Variants in FHOD3 observed in about 807,000 individuals in gnomAD.
FHOD3 encodes formin homology 2 domain containing 3.
Under a neutral mutation model 173.0 loss-of-function variants are expected in FHOD3, and 90 were observed. That is an observed-to-expected ratio of 0.52 (90% CI 0.44 to 0.62). The LOEUF (loss-of-function observed/expected upper bound fraction) is 0.62, where lower values mean the gene tolerates loss of function less well. Among genes scored for constraint, FHOD3 ranks in the 20% least tolerant of loss-of-function variants. FHOD3 has a pLI of 0.00. For synonymous variants in FHOD3, 828 were observed against 823.0 expected (o/e 1.01, Z -0.10); for missense variants, 1,945 against 2,034.7 (o/e 0.96, Z 0.85).
intron 3 of FHOD3, among the ~76,000 whole-genome samples, chr18:36,415,307 T>G (rs1361006171): frequency 6.6e-6 from 1 of 152,198 alleles, no homozygotes; most frequent in Non-Finnish European, 1.5e-5. Context: ...TATATATCTG[T>G]CAGGTTTATG....
chr18:36,463,256 CT>C (rs2052669180), intron 3 of FHOD3, among the ~76,000 whole-genome samples: 1 of 149,294 alleles, frequency 6.7e-6, no homozygotes, highest in African/African-American at 2.5e-5. Flanking sequence ...GAATTATTTT[CT>C]GAAAACCTTG....
At chr18:36,495,911 T>A (rs1055065973) in intron 3 of FHOD3, among the ~76,000 whole-genome samples, 2 of 152,154 alleles carry the variant, frequency 1.3e-5, no homozygotes, top group Admixed American at 6.5e-5. Flanking sequence ...AATACCTGAA[T>A]CTACATAGAC....
intron 14 of FHOD3, among the ~76,000 whole-genome samples, chr18:36,678,549 G>GA (rs1188005211): frequency 7.7e-4 from 86 of 111,648 alleles, no homozygotes; most frequent in Non-Finnish European, 1.3e-3. Flanking sequence ...AAAAAAAAAA[G>GA]AAGAAAGAAA....
chr18:36,517,706 C>T (rs565229470), intron 5 of FHOD3, among the ~76,000 whole-genome samples: 1 of 152,326 alleles, frequency 6.6e-6, no homozygotes, highest in South Asian at 2.1e-4. Flanking sequence ...GCATTTAACT[C>T]AACCTTTTCA....
chr18:36,680,432 T>A (rs1009381004), intron 14 of FHOD3, among the ~76,000 whole-genome samples: 1 of 152,242 alleles, frequency 6.6e-6, no homozygotes, highest in Admixed American at 6.5e-5. Flanking sequence ...TTCATAAATA[T>A]TTTTCTCTTT....
At chr18:36,571,261 C>T (rs982570900) in intron 5 of FHOD3, among the ~76,000 whole-genome samples, 11 of 152,066 alleles carry the variant, frequency 7.2e-5, no homozygotes, top group Admixed American at 6.5e-5. Context: ...TTTAAAACAC[C>T]GTTTGTAATA....
In FHOD3 at chr18:36,693,356, A is replaced by T. The variant is rs138367002; in HGVS notation, c.2169A>T (p.Ser723=). Residue 723 remains serine, a synonymous_variant, in exon 17 of 29, where the codon TCA becomes TCT. Coordinates refer to ENST00000590592, the MANE Select transcript of FHOD3 (RefSeq NM_001281740.3). ...ACLAPLSHSP[S]SSDSQEALTV... is the part of the protein sequence containing the mutation. ...TGGCTCCTCTGAGCCATAGCCCCTC[A>T]TCTTCAGACTCTCAAGAGGCTCTCA... 60 of 1,613,826 alleles carry T rather than the reference A, an allele frequency of 3.7e-5. No homozygotes were observed. The African/African-American group carries it at 7.6e-4, about 20-fold the overall frequency.
chr18:36,668,381 T>C (rs1474948688), intron 14 of FHOD3, among the ~76,000 whole-genome samples: 1 of 152,040 alleles, frequency 6.6e-6, no homozygotes, highest in Non-Finnish European at 1.5e-5. Context: ...TTCTCATTCT[T>C]AATATTGGTA....
At chr18:36,595,504 C>T (rs1230232497) in intron 7 of FHOD3, among the ~76,000 whole-genome samples, 1 of 152,124 alleles carries the variant, frequency 6.6e-6, no homozygotes, top group African/African-American at 2.4e-5. Context: ...CGGCTGTACC[C>T]CCACCCCCTT....
intron 3 of FHOD3, among the ~76,000 whole-genome samples, chr18:36,498,491 G>T (rs2054858433): frequency 6.6e-6 from 1 of 152,084 alleles, no homozygotes; most frequent in Admixed American, 6.6e-5. Flanking sequence ...AAAGGACATT[G>T]CTACAGTTAA....
chr18:36,493,618 C>G (rs1245875563), intron 3 of FHOD3, among the ~76,000 whole-genome samples: 1 of 152,172 alleles, frequency 6.6e-6, no homozygotes, highest in African/African-American at 2.4e-5. Flanking sequence ...CACCAACTCT[C>G]TCTGACTGGT....
At chr18:36,742,898 A>G in intron 22 of FHOD3, 42 bp downstream of exon 22, 1 of 1,588,464 alleles carries the variant, frequency 6.3e-7, no homozygotes, top group Non-Finnish European at 8.6e-7. Flanking sequence ...CCCCCTTGTC[A>G]CAAAATCCCT....
At chr18:36,645,183 G>A (rs1386622203) in intron 10 of FHOD3, among the ~76,000 whole-genome samples, 10 of 88,910 alleles carry the variant, frequency 1.1e-4, no homozygotes, top group Admixed American at 3.7e-4. Context: ...GGCTTTGGGA[G>A]GCTGAGGTGG....
At chr18:36,573,380 G>C (rs1322721917) in intron 5 of FHOD3, among the ~76,000 whole-genome samples, 5 of 151,730 alleles carry the variant, frequency 3.3e-5, no homozygotes, top group Admixed American at 2.0e-4. Flanking sequence ...CAAGGCTGGT[G>C]GATCACTTGA....
At chr18:36,388,293 C>G (rs926021696) in intron 3 of FHOD3, among the ~76,000 whole-genome samples, 1 of 152,122 alleles carries the variant, frequency 6.6e-6, no homozygotes, top group African/African-American at 2.4e-5. Context: ...CCGGGAGCCC[C>G]CACTGGTCTC....
chr18:36,298,105 C>G (rs1435877425), intron 1 of FHOD3, 105 bp downstream of exon 1: 15 of 1,098,356 alleles, frequency 1.4e-5, no homozygotes, highest in South Asian at 2.1e-5. Flanking sequence ...CTGGGCTGGG[C>G]GCGGCCCGGG....
intron 3 of FHOD3, among the ~76,000 whole-genome samples, chr18:36,412,007 C>G (rs558708498): frequency 3.1e-4 from 47 of 152,246 alleles, no homozygotes; most frequent in Admixed American, 7.9e-4. Context: ...CAACAAACCA[C>G]TGGAGTGGTG....
intron 24 of FHOD3, among the ~76,000 whole-genome samples, chr18:36,754,124 C>T (rs183270778): frequency 6.6e-6 from 1 of 152,276 alleles, no homozygotes; most frequent in Admixed American, 6.5e-5. Flanking sequence ...ATGAAGATTT[C>T]TACTTTATTT....
At chr18:36,454,635 G>T (rs1450158462) in intron 3 of FHOD3, among the ~76,000 whole-genome samples, 1 of 151,488 alleles carries the variant, frequency 6.6e-6, no homozygotes, top group East Asian at 1.9e-4. Flanking sequence ...AGTTTGTTTG[G>T]ATTCACTAGA....
Sources: gnomAD v4.1 joint callset for allele counts (sites outside exome capture counted in the v4.1 genomes callset) on GRCh38, gnomAD v4.1.1 for gene constraint, MANE v1.5 for transcripts, NCBI Gene and HGNC (gene_info 2026-07-23, HGNC 2026-07-21) for gene names.